ZFYVE16: variants seen among roughly 807,000 people sequenced by gnomAD.
ZFYVE16 encodes zinc finger FYVE-type containing 16.
A neutral mutation model predicts 138.1 loss-of-function variants in ZFYVE16; 89 were observed. The observed-to-expected ratio is 0.64, with a 90% CI of 0.54 to 0.77. The LOEUF is 0.77. Ranked by LOEUF, ZFYVE16 falls within the 30% of genes least tolerant of loss-of-function variation. The pLI, the probability that ZFYVE16 is intolerant of heterozygous loss-of-function variation, is 0.00. For missense variants in ZFYVE16, 1,793 were observed against 1,786.7 expected (o/e 1.00, Z -0.06); for synonymous variants, 596 against 618.3 (o/e 0.96, Z 0.53).
intron 7 of ZFYVE16, among the ~76,000 whole-genome samples, chr5:80,446,136 T>C (rs1391941342): frequency 1.3e-5 from 2 of 152,092 alleles, no homozygotes; most frequent in East Asian, 1.9e-4. Context: ...CCTCAAGTTA[T>C]CTGCCCATCT....
chr5:80,459,154 T>G lies in ZFYVE16; in HGVS notation c.3944-260T>G, dbSNP rs185551536. On this transcript the variant is annotated intron_variant, in intron 14 of 18. Coordinates refer to ENST00000505560, the MANE Select transcript of ZFYVE16 (RefSeq NM_001284236.3). Reference sequence around the variant, plus strand: ...TGTTGGCCAGGCTAGTCTCAAACTCTTGACCTCAGGTGATCTGCCCTTTTC... The same window carrying G: ...TGTTGGCCAGGCTAGTCTCAAACTCGTGACCTCAGGTGATCTGCCCTTTTC... Among the ~76,000 whole-genome samples the G allele has an allele frequency of 5.6e-3, 851 of 152,264 alleles. 5 individuals carry two copies. The highest frequency in any genetic ancestry group is 0.02 in the African/African-American group (813 of 41,562).
At chr5:80,461,564 T>C (rs1373150894) in intron 15 of ZFYVE16, among the ~76,000 whole-genome samples, 1 of 152,230 alleles carries the variant, frequency 6.6e-6, no homozygotes, top group Non-Finnish European at 1.5e-5. Flanking sequence ...AGGCTAGAAG[T>C]CCAAGATCAA....
Position 80,438,683 on chromosome 5 carries a change from T to G in ZFYVE16, c.1998T>G (p.Asn666Lys), listed in dbSNP as rs754827879. The part of the protein sequence containing the change: ...PSRTRSSKDL[N>K]KPDVPDTIES... Reference sequence around the variant, plus strand: ...GAACAAGGAGTTCAAAGGACCTGAATAAGCCAGATGTTCCAGATACAATAG... The same window carrying G: ...GAACAAGGAGTTCAAAGGACCTGAAGAAGCCAGATGTTCCAGATACAATAG... The change falls in exon 4 of 19, where the codon AAT (asparagine) becomes AAG (lysine). Residue 666 changes from asparagine to lysine, a missense_variant. This residue lies in a region of ZFYVE16 where 1,295 missense variants were observed against 1,204.3 expected (regional missense o/e 1.08). Transcript: ENST00000505560. 3 of 1,614,136 alleles carry G rather than the reference T, an allele frequency of 1.9e-6. No individual in the cohort carries two copies. The Admixed American group carries it at 5.0e-5, about 27-fold the overall frequency.
rs1460945117 is a variant in ZFYVE16, at chr5:80,466,457, T to A, written c.4025-6304T>A. Among the ~76,000 whole-genome samples the A allele has an allele frequency of 4.6e-5, 7 of 152,260 alleles. 1 individual carries two copies. On this transcript the variant is annotated intron_variant, in intron 15 of 18. Coordinates refer to ENST00000505560, the MANE Select transcript of ZFYVE16 (RefSeq NM_001284236.3). Reference sequence around the variant, plus strand: ...TTTTTTCTTACAATTTTGTAATTTCTATCATTTCATTGATATTCTCTGTTT... The same window carrying A: ...TTTTTTCTTACAATTTTGTAATTTCAATCATTTCATTGATATTCTCTGTTT...
chr5:80,429,728 A>G (rs1748701348), intron 2 of ZFYVE16, among the ~76,000 whole-genome samples: 1 of 152,240 alleles, frequency 6.6e-6, no homozygotes, highest in Non-Finnish European at 1.5e-5. Flanking sequence ...AGAGACACAC[A>G]TAGGCTCAAA....
intron 1 of ZFYVE16, among the ~76,000 whole-genome samples, chr5:80,414,247 A>C (rs1473541955): frequency 1.3e-5 from 2 of 152,202 alleles, no homozygotes; most frequent in Non-Finnish European, 2.9e-5. Context: ...AGTAGATTCA[A>C]ACACATCTGA....
chr5:80,414,130 C>G (rs1439770504), intron 1 of ZFYVE16, among the ~76,000 whole-genome samples: 1 of 151,942 alleles, frequency 6.6e-6, no homozygotes, highest in East Asian at 1.9e-4. Flanking sequence ...TGTACATGTA[C>G]CTTTTATATT....
rs758883019 is a variant in ZFYVE16, at chr5:80,455,790, A to AT, written c.3690+20dup. The AT allele has an allele frequency of 6.5e-7, 1 of 1,550,146 alleles. No homozygotes were observed. The highest frequency in any genetic ancestry group is 1.2e-5 in the South Asian group (1 of 82,420). Reference sequence around the variant, plus strand: ...CTTACTTGTTGTGAGTAATTGAACTATTTTATTAGGTATTTTTATACTGTT... The same window carrying AT: ...CTTACTTGTTGTGAGTAATTGAACTATTTTTATTAGGTATTTTTATACTGTT... On this transcript the variant is annotated intron_variant, in intron 12 of 18. Transcript: ENST00000505560.
chr5:80,432,499 G>A (rs1361065305), intron 2 of ZFYVE16, among the ~76,000 whole-genome samples: 1 of 152,088 alleles, frequency 6.6e-6, no homozygotes, highest in Non-Finnish European at 1.5e-5. Flanking sequence ...GAAAACCTAG[G>A]CAATACCATT....
At chr5:80,457,294 C>G (rs1409892773) in intron 14 of ZFYVE16, among the ~76,000 whole-genome samples, 1 of 152,202 alleles carries the variant, frequency 6.6e-6, no homozygotes, top group Non-Finnish European at 1.5e-5. Flanking sequence ...GGCTTACAGA[C>G]TTGGAAGACT....
At chr5:80,469,016 T>C (rs923075920) in intron 15 of ZFYVE16, among the ~76,000 whole-genome samples, 1 of 152,142 alleles carries the variant, frequency 6.6e-6, no homozygotes. Context: ...TGATTTATTT[T>C]TATGTGCCAT....
At chr5:80,474,631 C>G in intron 17 of ZFYVE16, 32 bp from the exon 18 acceptor site, 4 of 1,567,212 alleles carry the variant, frequency 2.6e-6, no homozygotes, top group Non-Finnish European at 3.5e-6. Flanking sequence ...TACTTTTAAT[C>G]ATGACTTGTT....
intron 15 of ZFYVE16, among the ~76,000 whole-genome samples, chr5:80,461,245 A>T (rs570779642): frequency 3.3e-5 from 5 of 152,322 alleles, no homozygotes; most frequent in African/African-American, 9.6e-5. Flanking sequence ...AATCTGAAAC[A>T]CTTCTGGCCC....
intron 15 of ZFYVE16, 139 bp downstream of exon 15, chr5:80,459,633 C>G (rs931212994): frequency 2.9e-5 from 19 of 652,578 alleles, no homozygotes; most frequent in Non-Finnish European, 4.5e-5. Flanking sequence ...CATCAACCAG[C>G]ACAAGAAGTA....
intron 1 of ZFYVE16, among the ~76,000 whole-genome samples, chr5:80,411,063 G>T (rs890581292): frequency 6.6e-6 from 1 of 150,646 alleles, no homozygotes. Context: ...GCCTCCTGGG[G>T]TTCAAGCGAT....
chr5:80,413,131 G>A (rs935146880), intron 1 of ZFYVE16, among the ~76,000 whole-genome samples: 2 of 151,782 alleles, frequency 1.3e-5, no homozygotes, highest in African/African-American at 2.4e-5. Flanking sequence ...AGCTAATATC[G>A]TGCCACTGCA....
At chr5:80,457,537 C>T (rs574253116) in intron 14 of ZFYVE16, among the ~76,000 whole-genome samples, 1 of 152,202 alleles carries the variant, frequency 6.6e-6, no homozygotes, top group Admixed American at 6.5e-5. Flanking sequence ...TCAGTGATTG[C>T]TATGATTACC....
At chr5:80,416,445 G>A (rs886590976) in intron 1 of ZFYVE16, among the ~76,000 whole-genome samples, 49 of 151,528 alleles carry the variant, frequency 3.2e-4, no homozygotes, top group African/African-American at 1.0e-3. Context: ...TAGTAGAGAT[G>A]GGGTTTCACC....
At chr5:80,414,242 A>C (rs762046179) in intron 1 of ZFYVE16, among the ~76,000 whole-genome samples, 3 of 152,150 alleles carry the variant, frequency 2.0e-5, no homozygotes, top group Non-Finnish European at 4.4e-5. Context: ...CTCTTAGTAG[A>C]TTCAAACACA....
Sources: allele counts gnomAD v4.1 joint callset (sites outside exome capture counted in the v4.1 genomes callset), GRCh38; gene constraint gnomAD v4.1.1; regional missense constraint gnomAD v4.1.1; transcripts MANE v1.5; gene names NCBI Gene and HGNC (gene_info 2026-07-23, HGNC 2026-07-21).